DLG2: variants seen among roughly 807,000 people sequenced by gnomAD.
The protein encoded by DLG2 is discs large MAGUK scaffold protein 2.
A neutral mutation model predicts 132.5 loss-of-function variants in DLG2; 45 were observed. That is an observed-to-expected ratio of 0.34 (90% CI 0.27 to 0.44). The LOEUF is 0.44. DLG2 is among the 20% of genes least tolerant of loss of function. The pLI, the probability that DLG2 is intolerant of heterozygous loss-of-function variation, is 1.00. For synonymous variants in DLG2, 424 were observed against 419.6 expected (o/e 1.01, Z -0.13); for missense variants, 1,045 against 1,196.9 (o/e 0.87, Z 1.87).
At chr11:85,251,347 T>C (rs1324501126) in intron 4 of DLG2, among the ~76,000 whole-genome samples, 1 of 152,202 alleles carries the variant, frequency 6.6e-6, no homozygotes, top group Non-Finnish European at 1.5e-5. Flanking sequence ...CTTAATAATG[T>C]AGCACATCGT....
At chr11:83,615,257 T>C (rs1400109892) in intron 19 of DLG2, among the ~76,000 whole-genome samples, 1 of 152,142 alleles carries the variant, frequency 6.6e-6, no homozygotes, top group African/African-American at 2.4e-5. Flanking sequence ...AAACAGGAAA[T>C]GACAAATAAC....
chr11:85,126,251 T>A (rs1027195562), intron 5 of DLG2, among the ~76,000 whole-genome samples: 3 of 152,178 alleles, frequency 2.0e-5, no homozygotes, highest in South Asian at 2.1e-4. Context: ...ATACAAGGTA[T>A]AATGAAAGAA....
chr11:84,297,466 T>C (rs533660672), intron 7 of DLG2, among the ~76,000 whole-genome samples: 5 of 152,298 alleles, frequency 3.3e-5, no homozygotes, highest in African/African-American at 1.2e-4. Flanking sequence ...ATCCACACTA[T>C]TTAATCCATC....
intron 6 of DLG2, among the ~76,000 whole-genome samples, chr11:84,980,936 T>A (rs1027644725): frequency 2.0e-5 from 3 of 152,148 alleles, no homozygotes; most frequent in Non-Finnish European, 4.4e-5. Context: ...GCTGGTTATA[T>A]TGGGGCATAT....
chr11:84,555,881 C>T (rs1052589212), intron 6 of DLG2, among the ~76,000 whole-genome samples: 6 of 152,136 alleles, frequency 3.9e-5, no homozygotes, highest in African/African-American at 1.4e-4. Context: ...AGGGAGAGGG[C>T]AAAAGTTGGG....
At chr11:84,564,999 T>C (rs2099446463) in intron 6 of DLG2, among the ~76,000 whole-genome samples, 1 of 152,318 alleles carries the variant, frequency 6.6e-6, no homozygotes, top group African/African-American at 2.4e-5. Context: ...TTCTCTAAAT[T>C]CTTTTGTCAC....
At chr11:83,826,106 G>T (rs2052694382) in intron 17 of DLG2, among the ~76,000 whole-genome samples, 1 of 152,148 alleles carries the variant, frequency 6.6e-6, no homozygotes, top group Non-Finnish European at 1.5e-5. Flanking sequence ...GCTTTAAAGA[G>T]AGCAGGAAAA....
rs560578419 is a variant in DLG2 at position 83,457,310 on chromosome 11, T to G, written c.*2508A>C. ...CCAGTTCATTGGAGCCATAGAGACA[T>G]CAACATTGGGAAGTGCAAGACAACA... On this transcript the variant is annotated 3_prime_UTR_variant, in exon 28 of 28. Coordinates refer to ENST00000376104, the MANE Select transcript of DLG2 (RefSeq NM_001142699.3). 6.6e-6 allele frequency: 1 copy of G among 152,652 alleles called. No homozygotes were observed. The highest frequency in any genetic ancestry group is 1.5e-5 in the Non-Finnish European group (1 of 68,012). 9.5% of individuals were successfully genotyped at this position (152,652 alleles called of 1,614,324 possible). A position where few individuals can be genotyped will look rare whatever the true frequency, so the allele number is the denominator to read the frequency against.
At chr11:84,523,999 C>T (rs2099312538) in intron 7 of DLG2, among the ~76,000 whole-genome samples, 1 of 152,002 alleles carries the variant, frequency 6.6e-6, no homozygotes, top group South Asian at 2.1e-4. Context: ...TAGAGAGAAC[C>T]CCTTCCATGG....
intron 3 of DLG2, among the ~76,000 whole-genome samples, chr11:85,529,989 T>G (rs947538865): frequency 6.8e-5 from 10 of 147,100 alleles, no homozygotes; most frequent in African/African-American, 2.5e-4. Context: ...GAGGGTTTGT[T>G]TTTTTTTTTT....
At chr11:83,944,526 G>A (rs942009069) in intron 14 of DLG2, among the ~76,000 whole-genome samples, 10 of 152,214 alleles carry the variant, frequency 6.6e-5, no homozygotes, top group Admixed American at 2.0e-4. Context: ...CAGTATAGCC[G>A]ATGGAAGTCA....
At chr11:85,460,062 G>A (rs1429217074) in intron 3 of DLG2, among the ~76,000 whole-genome samples, 1 of 152,204 alleles carries the variant, frequency 6.6e-6, no homozygotes, top group South Asian at 2.1e-4. Context: ...TCCCAGGGAA[G>A]TGCAGAGCTG....
chr11:83,654,271 T>C (rs761783798), intron 18 of DLG2, among the ~76,000 whole-genome samples: 110 of 152,200 alleles, frequency 7.2e-4, no homozygotes, highest in Non-Finnish European at 1.5e-3. Flanking sequence ...TATCAGAGAA[T>C]GTGCCTTGAA....
intron 4 of DLG2, among the ~76,000 whole-genome samples, chr11:85,214,848 C>T (rs1182641896): frequency 1.3e-5 from 2 of 152,130 alleles, no homozygotes; most frequent in Admixed American, 1.3e-4. Context: ...GTAACTAAGA[C>T]TTTTCCATTT....
At chr11:85,154,728 C>A (rs957719726) in intron 4 of DLG2, 77 bp from the exon 5 acceptor site, 12 of 710,850 alleles carry the variant, frequency 1.7e-5, no homozygotes, top group Non-Finnish European at 2.8e-5. Flanking sequence ...TTTGAATATA[C>A]ACATTAAAAT....
intron 6 of DLG2, among the ~76,000 whole-genome samples, chr11:84,664,844 T>G (rs1595227066): frequency 6.6e-6 from 1 of 152,178 alleles, no homozygotes; most frequent in Non-Finnish European, 1.5e-5. Context: ...TTTCTGTTTA[T>G]GATTGTTAAC....
At chr11:84,167,276 T>C (rs879677065) in intron 8 of DLG2, among the ~76,000 whole-genome samples, 5 of 152,210 alleles carry the variant, frequency 3.3e-5, no homozygotes, top group Non-Finnish European at 7.3e-5. Flanking sequence ...TCTGAGCATG[T>C]AGCCTTCCTA....
chr11:84,519,384 A>C (rs2099286698), intron 7 of DLG2, among the ~76,000 whole-genome samples: 1 of 152,198 alleles, frequency 6.6e-6, no homozygotes, highest in Non-Finnish European at 1.5e-5. Context: ...AAGCATAAAG[A>C]AAACAGCCTT....
intron 4 of DLG2, among the ~76,000 whole-genome samples, chr11:85,218,644 G>T (rs2082783650): frequency 2.0e-5 from 3 of 152,042 alleles, no homozygotes; most frequent in Admixed American, 2.0e-4. Flanking sequence ...AACCATTGTG[G>T]GAAATTGTCT....
Sources: allele counts gnomAD v4.1 joint callset (sites outside exome capture counted in the v4.1 genomes callset), GRCh38; gene constraint gnomAD v4.1.1; transcripts MANE v1.5; gene names NCBI Gene and HGNC (gene_info 2026-07-23, HGNC 2026-07-21).